Variants in SIDT1 observed in about 807,000 individuals in gnomAD.
SIDT1 encodes SID1 transmembrane family member 1.
Under a neutral mutation model 107.5 loss-of-function variants are expected in SIDT1, and 101 were observed. That is an observed-to-expected ratio of 0.94 (90% confidence interval 0.80 to 1.11). The LOEUF (loss-of-function observed/expected upper bound fraction) is 1.11, where lower values mean the gene tolerates loss of function less well. Ranked by LOEUF, SIDT1 falls within the 50% of genes least tolerant of loss-of-function variation. The probability of loss-of-function intolerance (pLI) is 0.00; values close to 1 mark genes in which losing one functional copy is unlikely to be tolerated. For missense variants in SIDT1, 1,076 were observed against 1,058.2 expected, an observed-to-expected ratio of 1.02 and a Z score of -0.23; for synonymous variants, 395 against 398.2, an observed-to-expected ratio of 0.99 and a Z score of 0.10.
chr3:113,629,168 TTGTG>T lies in SIDT1; in HGVS notation c.*1462_*1465del, dbSNP rs1947034575. The stretch of plus-strand genomic sequence containing the variant: ...TTATTCTTTCTCTAAACTATTTGCA[TTGTG>T]TTCAAAAACCCATTTTAGAAGTTTG... On this transcript the variant is annotated 3_prime_UTR_variant, in exon 25 of 25. Transcript: ENST00000264852. 6.6e-6 allele frequency: 1 copy of T among 152,266 alleles called. No homozygotes were observed. Among genetic ancestry groups the T allele is most frequent in the African/African-American group, 2.4e-5 (1 of 41,476 alleles). The allele number at this position is 152,266 out of a possible 1,614,324, so 9.4% of individuals were successfully genotyped here.
chr3:113,580,487 G>A (rs1943241523), intron 4 of SIDT1, 121 bp from the exon 5 acceptor site: 2 of 668,300 alleles, frequency 3.0e-6, no homozygotes, highest in East Asian at 2.6e-5. Flanking sequence ...GAGATGAAGA[G>A]CTGACTGAAT....
intron 17 of SIDT1, among the ~76,000 whole-genome samples, chr3:113,610,127 A>G (rs1294641427): frequency 6.6e-6 from 1 of 152,248 alleles, no homozygotes. Context: ...AACAAAAAGT[A>G]TCACATTTAT....
chr3:113,625,151 C>CGGGGGGGGGGGG (rs1560149547), intron 23 of SIDT1, among the ~76,000 whole-genome samples: 2 of 78,242 alleles, frequency 2.6e-5, no homozygotes, highest in South Asian at 4.5e-4. Flanking sequence ...TTTGGGGGGG[C>CGGGGGGGGGGGG]GGGGGGACGG....
intron 2 of SIDT1, among the ~76,000 whole-genome samples, chr3:113,567,147 T>C (rs945688209): frequency 6.6e-6 from 1 of 152,224 alleles, no homozygotes; most frequent in Non-Finnish European, 1.5e-5. Context: ...AGCTTTGACT[T>C]GGACTCAGGG....
Position 113,581,538 on chromosome 3 carries a change from T to C in SIDT1, c.747+94T>C, listed in dbSNP as rs564951738. The C allele has an allele frequency of 3.0e-6, 3 of 1,000,254 alleles. No individual in the cohort carries two copies. In the South Asian group the frequency reaches 3.9e-5, roughly 13 times the overall value. The allele number at this position is 1,000,254 out of a possible 1,614,324, so 62.0% of individuals were successfully genotyped here. On this transcript the variant is annotated intron_variant, in intron 6 of 24. Coordinates refer to ENST00000264852, the MANE Select transcript of SIDT1 (RefSeq NM_017699.3). The stretch of plus-strand genomic sequence containing the variant: ...AGCATCCAAAAGGGATGGCCATCCA[T>C]GATGTGCCTAGGATCTCCTTCCTTT...
intron 16 of SIDT1, 83 bp from the exon 17 acceptor site, chr3:113,608,336 C>T: frequency 3.3e-6 from 5 of 1,537,048 alleles, no homozygotes; most frequent in Non-Finnish European, 4.5e-6. Context: ...CTACATGAGG[C>T]CAGAAGCATG....
intron 22 of SIDT1, 30 bp from the exon 23 acceptor site, chr3:113,623,593 G>A (rs1241735747): frequency 1.2e-6 from 2 of 1,603,090 alleles, no homozygotes; most frequent in Admixed American, 1.7e-5. Flanking sequence ...GCGGGGTCGC[G>A]TGAGGCCGCA....
rs562095738 is a variant in SIDT1 at position 113,535,511 on chromosome 3, A to G, written c.222+2268A>G. Among the ~76,000 whole-genome samples the G allele has an allele frequency of 4.1e-4, 63 of 152,344 alleles. No homozygotes were observed. The South Asian group carries it at 0.012, about 30-fold the overall frequency. ...AAAAACACATTTTAAAAATTGTTCTATTATGCCCTATTTTGTCTGTGTGTG... is the reference window on the plus strand; with the variant it reads ...AAAAACACATTTTAAAAATTGTTCTGTTATGCCCTATTTTGTCTGTGTGTG... On this transcript the variant is annotated intron_variant, in intron 1 of 24. Coordinates refer to ENST00000264852, the MANE Select transcript of SIDT1 (RefSeq NM_017699.3).
chr3:113,633,157 T>C (rs958486367), downstream of SIDT1, among the ~76,000 whole-genome samples: 6 of 152,086 alleles, frequency 3.9e-5, no homozygotes, highest in African/African-American at 1.4e-4. Flanking sequence ...AGAGACCTCT[T>C]TAGGGAGGTT....
intron 1 of SIDT1, among the ~76,000 whole-genome samples, chr3:113,551,971 A>T (rs1940299213): frequency 6.6e-6 from 1 of 152,062 alleles, no homozygotes; most frequent in Non-Finnish European, 1.5e-5. Flanking sequence ...TATTCCTGAG[A>T]ACTGGTATTT....
At chr3:113,599,392 A>G (rs914094913) in intron 10 of SIDT1, among the ~76,000 whole-genome samples, 3 of 152,256 alleles carry the variant, frequency 2.0e-5, no homozygotes, top group Admixed American at 6.5e-5. Context: ...GGAGATGCAA[A>G]TGAGCCTCAA....
At chr3:113,603,338 G>A (rs923507269) in intron 12 of SIDT1, among the ~76,000 whole-genome samples, 188 bp downstream of exon 12, 4 of 151,758 alleles carry the variant, frequency 2.6e-5, no homozygotes, top group African/African-American at 7.3e-5. Context: ...TTTTTCTCGC[G>A]GAAGAAAGTG....
At position 113,619,685 on chromosome 3, in the gene SIDT1, A is replaced by G; in HGVS notation, c.2049A>G (p.Arg683=). ...QQCSRPLYMD[R]MVLLVVGNLV... ...TTTTCTTTCCTCTTTTCCAGGATAG[A>G]ATGGTGTTGCTGGTTGTGGGGAATC... Residue 683 remains arginine (R), a synonymous_variant, in exon 21 of 25, where the codon AGA becomes AGG. Coordinates refer to ENST00000264852, the MANE Select transcript of SIDT1 (RefSeq NM_017699.3). 6.2e-7 allele frequency: 1 copy of G among 1,614,016 alleles called. No homozygotes were observed. The highest frequency in any genetic ancestry group is 8.5e-7 in the Non-Finnish European group (1 of 1,179,918).
At chr3:113,584,043 T>C (rs1050114752) in intron 7 of SIDT1, among the ~76,000 whole-genome samples, 2 of 152,196 alleles carry the variant, frequency 1.3e-5, no homozygotes, top group Non-Finnish European at 2.9e-5. Context: ...CAAATAGTTA[T>C]GGTTAACTAC....
intron 9 of SIDT1, among the ~76,000 whole-genome samples, chr3:113,588,482 G>A (rs1403895448): frequency 6.6e-6 from 1 of 152,198 alleles, no homozygotes; most frequent in East Asian, 1.9e-4. Flanking sequence ...GGGGTTTGTA[G>A]TACGTGCTAT....
Position 113,585,108 on chromosome 3 carries a change from G to A in SIDT1, c.908-69G>A, listed in dbSNP as rs73855951. On this transcript the variant is annotated intron_variant, in intron 8 of 24. Coordinates refer to ENST00000264852, the MANE Select transcript of SIDT1 (RefSeq NM_017699.3). ...TATGATGGAGGGGGCCCTTTAAGCC[G>A]TCCTGTCTCAGATGGAGTCTTCTTT... 2,326 of 1,122,760 alleles carry A rather than the reference G, an allele frequency of 2.1e-3. 28 individuals carry two copies. In the African/African-American group the frequency reaches 0.031, roughly 15 times the overall value. The allele number at this position is 1,122,760 out of a possible 1,614,324, so 69.5% of individuals were successfully genotyped here.
chr3:113,543,535 T>A (rs912946846), intron 1 of SIDT1, among the ~76,000 whole-genome samples: 7 of 152,162 alleles, frequency 4.6e-5, no homozygotes, highest in African/African-American at 2.4e-5. Context: ...CCCACTCATG[T>A]TTCGGGGTTA....
the SIDT1 span, among the ~76,000 whole-genome samples, chr3:113,634,928 C>T: frequency 2.0e-5 from 3 of 152,108 alleles, no homozygotes; most frequent in East Asian, 3.8e-4. Flanking sequence ...TCAATAAAAC[C>T]ACGGCTGTGA....
chr3:113,623,287 A>T, intron 21 of SIDT1, 140 bp from the exon 22 acceptor site: 1 of 514,158 alleles, frequency 1.9e-6, no homozygotes, highest in Non-Finnish European at 3.4e-6. Context: ...AGTTTAAAAA[A>T]AAATAAAATG....
Sources: allele counts gnomAD v4.1 joint callset (sites outside exome capture counted in the v4.1 genomes callset), GRCh38; gene constraint gnomAD v4.1.1; transcripts MANE v1.5; gene names NCBI Gene and HGNC (gene_info 2026-07-23, HGNC 2026-07-21).